Variants in LATS2 observed in about 807,000 individuals in gnomAD.
LATS2 encodes the protein large tumor suppressor kinase 2.
LATS2 carries 24 observed loss-of-function variants against 76.0 expected under a neutral mutation model. The observed-to-expected ratio is 0.32, with a 90% confidence interval of 0.23 to 0.44. The LOEUF is 0.44. Ranked by LOEUF, LATS2 falls within the 20% of genes least tolerant of loss-of-function variation. The probability of loss-of-function intolerance (pLI) is 1.00; values close to 1 mark genes in which losing one functional copy is unlikely to be tolerated. For synonymous variants in LATS2, 692 were observed against 635.4 expected, an observed-to-expected ratio of 1.09 and a Z score of -1.34; for missense variants, 1,286 against 1,481.2, an observed-to-expected ratio of 0.87 and a Z score of 2.16.
chr13:21,009,177 A>AAATG (rs1337000359), intron 2 of LATS2, among the ~76,000 whole-genome samples: 2 of 152,222 alleles, frequency 1.3e-5, no homozygotes, highest in South Asian at 2.1e-4. Flanking sequence ...ACAAACGAAC[A>AAATG]AATGAATGAA....
intron 2 of LATS2, among the ~76,000 whole-genome samples, chr13:21,015,612 G>T (rs760130517): frequency 2.0e-5 from 3 of 152,172 alleles, no homozygotes; most frequent in Non-Finnish European, 4.4e-5. Flanking sequence ...AGGATTTGGG[G>T]AACTGTGAAA....
chr13:21,042,671 A>G (rs1872921169), intron 2 of LATS2, among the ~76,000 whole-genome samples: 1 of 152,096 alleles, frequency 6.6e-6, no homozygotes. Flanking sequence ...TGTACAACAG[A>G]GCAAAACCCT....
rs1417683743 is a variant in LATS2, at chr13:20,988,307, G to C, written c.1473C>G (p.Ala491=). 9 of 1,553,958 alleles carry C rather than the reference G, an allele frequency of 5.8e-6. No homozygotes were observed. The highest frequency in any genetic ancestry group is 2.1e-4 in the Middle Eastern group (1 of 4,836). Residue 491 remains alanine, a synonymous_variant, in exon 4 of 8, where the codon GCC becomes GCG. Coordinates refer to ENST00000382592, the MANE Select transcript of LATS2 (RefSeq NM_014572.3). ...AEGLDAKEEH[A]LALGGAGAFP... is the part of the protein sequence containing the mutation. ...AGGCGCCTGCGCCGCCCAGCGCCAGGGCATGCTCCTCCTTGGCGTCCAAGC... is the reference window on the plus strand; with the variant it reads ...AGGCGCCTGCGCCGCCCAGCGCCAGCGCATGCTCCTCCTTGGCGTCCAAGC...
rs149489019 is a variant in LATS2 at position 20,977,207 on chromosome 13, C to A, written c.2773-1843G>T. On this transcript the variant is annotated intron_variant, in intron 7 of 7. Transcript: ENST00000382592. ...GGTCAGGAGTTTGAAACCAGCCTGA[C>A]CAACATGATGAAGCCACATCTCTAC... is the stretch of plus-strand genomic sequence containing the variant. Among the ~76,000 whole-genome samples the A allele has an allele frequency of 7.5e-4, 114 of 152,044 alleles. 2 individuals carry two copies. The highest frequency in any genetic ancestry group is 2.5e-3 in the African/African-American group (102 of 41,460).
chr13:20,988,984 C>T lies in LATS2; in HGVS notation c.796G>A (p.Gly266Ser), dbSNP rs1333079856. The T allele has an allele frequency of 3.9e-6, 6 of 1,543,120 alleles. No homozygotes were observed. In the South Asian group the frequency reaches 7.0e-5, roughly 18 times the overall value. ...PHLLVPGEPLGYGVQRSPSFQ... is the reference protein window; with the variant it reads ...PHLLVPGEPLSYGVQRSPSFQ... Reference sequence around the variant, plus strand: ...GAGGGGCTGCGCTGCACTCCGTAGCCCAGGGGTTCCCCAGGCACCAGCAGG... The same window carrying T: ...GAGGGGCTGCGCTGCACTCCGTAGCTCAGGGGTTCCCCAGGCACCAGCAGG... The change falls in exon 4 of 8, where the codon GGC becomes AGC. Residue 266 changes from glycine (G) to serine (S), a missense_variant. By Grantham distance (56) the Gly-to-Ser change is moderately conservative (BLOSUM62 0). Coordinates refer to ENST00000382592, the MANE Select transcript of LATS2 (RefSeq NM_014572.3).
At chr13:21,008,697 T>C (rs1871454699) in intron 2 of LATS2, among the ~76,000 whole-genome samples, 1 of 152,130 alleles carries the variant, frequency 6.6e-6, no homozygotes, top group African/African-American at 2.4e-5. Context: ...ACAGCAAGTG[T>C]TGGCAAAGTT....
At chr13:20,985,871 C>T (rs546114110) in intron 4 of LATS2, among the ~76,000 whole-genome samples, 327 of 94,210 alleles carry the variant, frequency 3.5e-3, no homozygotes, top group Non-Finnish European at 4.1e-3. Flanking sequence ...CATGGTGAAA[C>T]CCTGTCTCTA....
intron 4 of LATS2, 108 bp from the exon 5 acceptor site, chr13:20,983,914 A>T: frequency 1.2e-6 from 1 of 823,782 alleles, no homozygotes; most frequent in Non-Finnish European, 1.9e-6. Context: ...AGCTCATTTT[A>T]CAGAAAGGAG....
At position 21,057,565 on chromosome 13, in the gene LATS2, G is replaced by A. The variant is rs567097867; in HGVS notation, c.-205+3781C>T. 2.9e-4 allele frequency among the ~76,000 whole-genome samples: 44 copies of A among 152,224 alleles called. 1 individual carries two copies. The highest frequency in any genetic ancestry group is 1.0e-3 in the African/African-American group (43 of 41,542). On this transcript the variant is annotated intron_variant, in intron 1 of 7. Coordinates refer to ENST00000382592, the MANE Select transcript of LATS2 (RefSeq NM_014572.3). ...GGCGCGGTGGCTCATGCCTGTAGGC[G>A]GGTGGATCACGAGGTCAGGAGATCG...
In LATS2 at chr13:20,973,181, C is replaced by T. The variant is rs1257889086; in HGVS notation, c.*1689G>A. On this transcript the variant is annotated 3_prime_UTR_variant, in exon 8 of 8. Coordinates refer to ENST00000382592, the MANE Select transcript of LATS2 (RefSeq NM_014572.3). ...CAGAGCGCTGTGAGTAACAACATGG[C>T]ACGACTATAAAATAGCGAGAATACT... 1.7e-5 allele frequency: 4 copies of T among 232,398 alleles called. No individual in the cohort carries two copies. Among genetic ancestry groups the T allele is most frequent in the African/African-American group, 6.6e-5 (3 of 45,262 alleles). The allele number at this position is 232,398 out of a possible 1,614,324, so 14.4% of individuals were successfully genotyped here.
At chr13:21,004,545 C>T (rs759852402) in intron 2 of LATS2, among the ~76,000 whole-genome samples, 4 of 152,120 alleles carry the variant, frequency 2.6e-5, no homozygotes, top group East Asian at 1.9e-4. Flanking sequence ...GACCAGCACA[C>T]GTGTGTGTCA....
chr13:20,988,977 C>T lies in LATS2; in HGVS notation c.803G>A (p.Gly268Glu). 5.8e-6 allele frequency: 9 copies of T among 1,541,422 alleles called. No homozygotes were observed. The highest frequency in any genetic ancestry group is 7.8e-6 in the Non-Finnish European group (9 of 1,149,410). The change falls in exon 4 of 8, where the codon GGA becomes GAA. Residue 268 changes from glycine to glutamate, a missense_variant. By Grantham distance (98) the Gly-to-Glu change is moderately conservative. Coordinates refer to ENST00000382592, the MANE Select transcript of LATS2 (RefSeq NM_014572.3). ...LLVPGEPLGY[G>E]VQRSPSFQSK... ...CTGGAAGGAGGGGCTGCGCTGCACT[C>T]CGTAGCCCAGGGGTTCCCCAGGCAC...
At chr13:21,018,546 C>T (rs767507677) in intron 2 of LATS2, among the ~76,000 whole-genome samples, 4 of 152,262 alleles carry the variant, frequency 2.6e-5, no homozygotes, top group Non-Finnish European at 4.4e-5. Flanking sequence ...ACCCTGCTTG[C>T]GCAGCAGGTC....
At chr13:21,049,086 G>A (rs2138410768) in intron 1 of LATS2, among the ~76,000 whole-genome samples, 1 of 152,316 alleles carries the variant, frequency 6.6e-6, no homozygotes, top group South Asian at 2.1e-4. Flanking sequence ...AACAGCATAT[G>A]CAAAGAAGCC....
At chr13:21,050,084 C>CA (rs1226355257) in intron 1 of LATS2, among the ~76,000 whole-genome samples, 5 of 135,508 alleles carry the variant, frequency 3.7e-5, no homozygotes, top group African/African-American at 1.3e-4. Context: ...TGTGCCACTG[C>CA]ACTCCAGCCT....
At chr13:21,011,553 A>G (rs2138342037) in intron 2 of LATS2, among the ~76,000 whole-genome samples, 1 of 152,348 alleles carries the variant, frequency 6.6e-6, no homozygotes, top group Middle Eastern at 3.4e-3. Context: ...GAGTGACACC[A>G]TGTGATGGAT....
intron 2 of LATS2, among the ~76,000 whole-genome samples, chr13:21,006,421 T>G (rs1219563434): frequency 2.0e-5 from 3 of 152,208 alleles, no homozygotes; most frequent in Non-Finnish European, 4.4e-5. Context: ...GGAGACTCGT[T>G]GTGGCACCTA....
intron 2 of LATS2, among the ~76,000 whole-genome samples, chr13:20,994,187 T>C (rs903388814): frequency 1.3e-5 from 2 of 152,210 alleles, no homozygotes; most frequent in African/African-American, 4.8e-5. Flanking sequence ...TGAAGACTCA[T>C]GTTCAGAAGG....
chr13:21,061,347 T>C lies in LATS2; in HGVS notation c.-206A>G. ...GACCCCAGCTCCCAGCCCCCTCACC[T>C]CCAGGGGCGCGGTCTACACCCTCGG... On this transcript the variant is annotated splice_region_variant and 5_prime_UTR_variant, in exon 1 of 8. Coordinates refer to ENST00000382592, the MANE Select transcript of LATS2 (RefSeq NM_014572.3). 1 of 151,940 alleles carries C rather than the reference T, an allele frequency of 6.6e-6. No homozygotes were observed. The highest frequency in any genetic ancestry group is 1.5e-5 in the Non-Finnish European group (1 of 68,002). The allele number at this position is 151,940 out of a possible 1,614,324, so 9.4% of individuals were successfully genotyped here.
Sources: gnomAD v4.1 joint callset for allele counts (sites outside exome capture counted in the v4.1 genomes callset) on GRCh38, gnomAD v4.1.1 for gene constraint, MANE v1.5 for transcripts, NCBI Gene and HGNC (gene_info 2026-07-23, HGNC 2026-07-21) for gene names.